The following ZNF45 variants were observed in gnomAD, a reference collection of about 807,000 sequenced individuals.
ZNF45 encodes the protein BRC1744.
ZNF45 carries 4 observed loss-of-function variants against 12.0 expected under a neutral mutation model. The observed-to-expected ratio is 0.33, with a 90% CI of 0.16 to 0.76. ZNF45 has a LOEUF of 0.76. Ranked by LOEUF, ZNF45 falls within the 30% of genes least tolerant of loss-of-function variation. ZNF45 has a pLI of 0.60. For synonymous variants in ZNF45, 272 were observed against 279.6 expected (o/e 0.97, Z 0.27); for missense variants, 700 against 813.0 (o/e 0.86, Z 1.69).
At chr19:43,927,550 A>G (rs1599786049) in intron 3 of ZNF45, among the ~76,000 whole-genome samples, 1 of 152,180 alleles carries the variant, frequency 6.6e-6, no homozygotes. Context: ...CAAACCCCCA[A>G]TATATAGCGA....
intron 7 of ZNF45, 78 bp from the exon 8 acceptor site, chr19:43,919,777 A>T (rs1268589300): frequency 1.3e-6 from 2 of 1,515,152 alleles, no homozygotes; most frequent in Non-Finnish European, 1.8e-6. Flanking sequence ...GAAATGTGAA[A>T]AAGATGTGTA....
At chr19:43,931,067 C>T (rs907310811) in intron 3 of ZNF45, among the ~76,000 whole-genome samples, 1 of 151,974 alleles carries the variant, frequency 6.6e-6, no homozygotes, top group African/African-American at 2.4e-5. Context: ...TTTATTAAGG[C>T]AATATAGACT....
intron 3 of ZNF45, among the ~76,000 whole-genome samples, chr19:43,929,636 T>C (rs1973966047): frequency 6.6e-6 from 1 of 152,202 alleles, no homozygotes; most frequent in African/African-American, 2.4e-5. Context: ...CTCTCCATGT[T>C]GTCACTCAGC....
intron 2 of ZNF45, among the ~76,000 whole-genome samples, chr19:43,934,116 C>T (rs191078680): frequency 1.3e-5 from 2 of 152,328 alleles, no homozygotes; most frequent in East Asian, 3.9e-4. Context: ...AAGTCTAGGA[C>T]ACAAATCCCA....
intron 6 of ZNF45, 147 bp from the exon 7 acceptor site, chr19:43,922,364 A>G (rs1158159065): frequency 7.0e-6 from 4 of 567,810 alleles, no homozygotes; most frequent in Non-Finnish European, 1.2e-5. Context: ...TGGCTTGATG[A>G]ACAGAAACTA....
At chr19:43,933,300 C>G (rs990982368) in intron 2 of ZNF45, among the ~76,000 whole-genome samples, 42 of 152,048 alleles carry the variant, frequency 2.8e-4, no homozygotes, top group Non-Finnish European at 7.4e-5. Context: ...GAAACCCAGT[C>G]TTTACTATAA....
At chr19:43,917,774 C>G (rs966935588) in intron 9 of ZNF45, among the ~76,000 whole-genome samples, 5 of 152,160 alleles carry the variant, frequency 3.3e-5, no homozygotes, top group Admixed American at 3.3e-4. Flanking sequence ...GCGTGAGCCA[C>G]CATGACTGGC....
intron 2 of ZNF45, among the ~76,000 whole-genome samples, chr19:43,933,152 G>A (rs76388152): frequency 0.048 from 7,296 of 152,126 alleles, 397 homozygotes; most frequent in East Asian, 0.25. Flanking sequence ...GAATATAATT[G>A]CCCCTCCCTT....
In ZNF45 at chr19:43,913,447, A is replaced by G; in HGVS notation, c.1989T>C (p.Ala663=). 1 of 1,596,556 alleles carries G rather than the reference A, an allele frequency of 6.3e-7. No individual in the cohort carries two copies. The highest frequency in any genetic ancestry group is 8.5e-7 in the Non-Finnish European group (1 of 1,170,862). The change falls in exon 10 of 10, where the codon GCT becomes GCC. Residue 663 remains alanine, a synonymous_variant. Coordinates refer to ENST00000269973, the MANE Select transcript of ZNF45 (RefSeq NM_003425.4). The part of the protein sequence containing the change: ...SSLIIHQRVH[A]DDEGDKDFPS... Reference sequence around the variant, plus strand: ...GAAAGTCCTTGTCACCCTCATCATCAGCATGGACTCGCTGATGAATGATAA... The same window carrying G: ...GAAAGTCCTTGTCACCCTCATCATCGGCATGGACTCGCTGATGAATGATAA...
rs1323015120 is a variant in ZNF45 at position 43,914,820 on chromosome 19, T to C, written c.616A>G (p.Ser206Gly). 4 of 1,612,622 alleles carry C rather than the reference T, an allele frequency of 2.5e-6. No homozygotes were observed. Among genetic ancestry groups the C allele is most frequent in the Non-Finnish European group, 3.4e-6 (4 of 1,178,730 alleles). ...KCDNAFRRFS[S>G]LQAHQRVHSR... ...TGGACTCTCTGATGGGCTTGAAGAC[T>C]TGAAAACCGACGGAAGGCATTATCA... is the stretch of plus-strand genomic sequence containing the variant. Residue 206 changes from serine (S) to glycine (G), a missense_variant, in exon 10 of 10, where the codon AGT (serine) becomes GGT (glycine). Coordinates refer to ENST00000269973, the MANE Select transcript of ZNF45 (RefSeq NM_003425.4).
intron 9 of ZNF45, among the ~76,000 whole-genome samples, chr19:43,917,366 T>A (rs890340222): frequency 2.0e-5 from 3 of 152,246 alleles, no homozygotes; most frequent in African/African-American, 7.2e-5. Flanking sequence ...AACAAATTGT[T>A]CAAATAGAAA....
chr19:43,920,812 G>T (rs1481508015), intron 7 of ZNF45, among the ~76,000 whole-genome samples: 2 of 151,904 alleles, frequency 1.3e-5, no homozygotes, highest in East Asian at 3.9e-4. Context: ...TGTTTGTCCA[G>T]GCTGGTCTCG....
Position 43,924,286 on chromosome 19 carries a change from C to T in ZNF45, c.-81G>A, listed in dbSNP as rs926281393. The T allele has an allele frequency of 1.3e-5, 2 of 152,132 alleles. No individual in the cohort carries two copies. Among genetic ancestry groups the T allele is most frequent in the Admixed American group, 6.5e-5 (1 of 15,276 alleles). 9.4% of individuals were successfully genotyped at this position (152,132 alleles called of 1,614,324 possible). A position where few individuals can be genotyped will look rare whatever the true frequency, so the allele number is the denominator to read the frequency against. On this transcript the variant is annotated 5_prime_UTR_variant, in exon 6 of 10. The change creates a new upstream start codon in the 5' untranslated region. Coordinates refer to ENST00000269973, the MANE Select transcript of ZNF45 (RefSeq NM_003425.4). ...CAGTTGTGTGACCTTGGTCCAAACA[C>T]CTAAACTTCTGTGCCTATGCTCAGC...
chr19:43,913,759 C>G lies in ZNF45; in HGVS notation c.1677G>C (p.Glu559Asp). 1.2e-6 allele frequency: 2 copies of G among 1,613,704 alleles called. No individual in the cohort carries two copies. The highest frequency in any genetic ancestry group is 1.7e-6 in the Non-Finnish European group (2 of 1,179,924). The stretch of plus-strand genomic sequence containing the variant: ...CCCGACAGAAGCCCTTCCCACACTC[C>G]TCACATTGATAGGGTTTCTCTCCAG... The part of the protein sequence containing the change: ...CHTGEKPYQC[E>D]ECGKGFCRAS... The change falls in exon 10 of 10, where the codon GAG becomes GAC. Residue 559 changes from glutamate to aspartate, a missense_variant. Glu to Asp is a conservative substitution (Grantham distance 45, BLOSUM62 2). Transcript: ENST00000269973.
intron 3 of ZNF45, among the ~76,000 whole-genome samples, chr19:43,926,866 C>T (rs1243539433): frequency 2.0e-5 from 3 of 152,158 alleles, no homozygotes; most frequent in Non-Finnish European, 4.4e-5. Context: ...GGCAGGAAGG[C>T]AGAATTCAAA....
rs759786506 is a variant in ZNF45 at position 43,913,888 on chromosome 19, C to A, written c.1548G>T (p.Gln516His). The change falls in exon 10 of 10, where the codon CAG becomes CAT. Residue 516 changes from glutamine to histidine, a missense_variant. Physicochemically the swap from Gln to His is conservative, Grantham distance 24. Coordinates refer to ENST00000269973, the MANE Select transcript of ZNF45 (RefSeq NM_003425.4). ...GKAFSQFSSL[Q>H]VHQRVHTGEK... ...CTCCAGTGTGAACTCTCTGATGCAC[C>A]TGAAGGCTGGAGAACTGACTGAAGG... 9.5e-5 allele frequency: 152 copies of A among 1,602,952 alleles called. No individual in the cohort carries two copies. The South Asian group carries it at 1.6e-3, about 17-fold the overall frequency.
rs1974368034 is a variant in ZNF45 at position 43,934,502 on chromosome 19, A to T, written c.-563T>A. 1 of 144,014 alleles carries T rather than the reference A, an allele frequency of 6.9e-6. No homozygotes were observed. The highest frequency in any genetic ancestry group is 1.5e-5 in the Non-Finnish European group (1 of 65,020). 8.9% of individuals were successfully genotyped at this position (144,014 alleles called of 1,614,324 possible). A position where few individuals can be genotyped will look rare whatever the true frequency, so the allele number is the denominator to read the frequency against. On this transcript the variant is annotated 5_prime_UTR_variant, in exon 2 of 10. Transcript: ENST00000269973. Reference sequence around the variant, plus strand: ...TGGGGCTCTGCTGCCAGAAGCCAGGATGCTCTCCTTCCTCCTCTCCCGCAG... The same window carrying T: ...TGGGGCTCTGCTGCCAGAAGCCAGGTTGCTCTCCTTCCTCCTCTCCCGCAG...
At chr19:43,917,467 T>G (rs1972782228) in intron 9 of ZNF45, among the ~76,000 whole-genome samples, 1 of 151,066 alleles carries the variant, frequency 6.6e-6, no homozygotes. Context: ...GTATATACTT[T>G]GCAAGTTTTC....
At position 43,927,009 on chromosome 19, in the gene ZNF45, G is replaced by C. The variant is rs192021593; in HGVS notation, c.-399-1551C>G. Among the ~76,000 whole-genome samples the C allele has an allele frequency of 2.0e-5, 3 of 152,292 alleles. No homozygotes were observed. In the East Asian group the frequency reaches 5.8e-4, roughly 29 times the overall value. ...CCCTCTCAAACGGGAGGAGGCTTGA[G>C]GGGGAGGAGGCTAGGGCCAGAGAGA... On this transcript the variant is annotated intron_variant, in intron 3 of 9. Transcript: ENST00000269973.
Sources: gnomAD v4.1 joint callset for allele counts (sites outside exome capture counted in the v4.1 genomes callset) on GRCh38, gnomAD v4.1.1 for gene constraint, MANE v1.5 for transcripts, NCBI Gene and HGNC (gene_info 2026-07-23, HGNC 2026-07-21) for gene names.